Variants in IRAK2 observed in about 807,000 individuals in gnomAD.
IRAK2 encodes interleukin-1 receptor-associated kinase-like 2.
A neutral mutation model predicts 72.0 loss-of-function variants in IRAK2; 57 were observed. The observed-to-expected ratio is 0.79, with a 90% CI of 0.64 to 0.99. The LOEUF (loss-of-function observed/expected upper bound fraction) is 0.99, where lower values mean the gene tolerates loss of function less well. Among genes scored for constraint, IRAK2 ranks in the 50% least tolerant of loss-of-function variants. The probability of loss-of-function intolerance (pLI) is 0.00; values close to 1 mark genes in which losing one functional copy is unlikely to be tolerated. For missense variants in IRAK2, 790 were observed against 794.4 expected (o/e 0.99, Z 0.07); for synonymous variants, 293 against 312.7 (o/e 0.94, Z 0.67).
chr3:10,194,225 A>G (rs1048565994), intron 2 of IRAK2, among the ~76,000 whole-genome samples: 2 of 151,170 alleles, frequency 1.3e-5, no homozygotes, highest in Non-Finnish European at 2.9e-5. Context: ...GGAATCGCAG[A>G]GCTTGGGTCT....
In IRAK2 at chr3:10,184,850, C is replaced by T. The variant is rs911321623; in HGVS notation, c.277+6830C>T. Among the ~76,000 whole-genome samples, 34 of 150,628 alleles carry T rather than the reference C, an allele frequency of 2.3e-4. 1 individual carries two copies. The highest frequency in any genetic ancestry group is 7.7e-4 in the African/African-American group (31 of 40,374). On this transcript the variant is annotated intron_variant, in intron 2 of 12. Transcript: ENST00000256458. Reference sequence around the variant, plus strand: ...GTTCACGCCATTCTCTTGCCTCAGCCTCCCGAGTAGCTGGGACTACAGGCG... The same window carrying T: ...GTTCACGCCATTCTCTTGCCTCAGCTTCCCGAGTAGCTGGGACTACAGGCG...
chr3:10,233,378 G>T (rs1402869261), intron 10 of IRAK2, among the ~76,000 whole-genome samples: 2 of 151,914 alleles, frequency 1.3e-5, no homozygotes, highest in Non-Finnish European at 2.9e-5. Flanking sequence ...ACAATATTTA[G>T]TATGTTTGTA....
chr3:10,164,925 C>A lies in IRAK2; in HGVS notation c.-30C>A, dbSNP rs778659393. The A allele has an allele frequency of 3.2e-5, 50 of 1,548,558 alleles. No individual in the cohort carries two copies. The highest frequency in any genetic ancestry group is 4.3e-5 in the Non-Finnish European group (49 of 1,137,966). ...AGCCCGCAGTGTCCGACCCAGTCGT[C>A]CCGCGCCGGAGCCGGCCCCGTAGCG... On this transcript the variant is annotated 5_prime_UTR_variant, in exon 1 of 13. Transcript: ENST00000256458.
chr3:10,224,458 G>A (rs1358339118), intron 9 of IRAK2, among the ~76,000 whole-genome samples: 2 of 151,652 alleles, frequency 1.3e-5, no homozygotes, highest in Non-Finnish European at 2.9e-5. Context: ...TAAGCCTTCT[G>A]TAAGATGGGG....
chr3:10,205,195 C>T (rs1444608105), intron 3 of IRAK2, among the ~76,000 whole-genome samples: 1 of 152,126 alleles, frequency 6.6e-6, no homozygotes, highest in African/African-American at 2.4e-5. Flanking sequence ...TCTCTCTGCC[C>T]TTGGACATAC....
chr3:10,170,124 T>C (rs1332172709), intron 1 of IRAK2, among the ~76,000 whole-genome samples: 1 of 152,204 alleles, frequency 6.6e-6, no homozygotes, highest in Non-Finnish European at 1.5e-5. Context: ...TCTCCTGGCC[T>C]TGACTGGCTT....
intron 8 of IRAK2, among the ~76,000 whole-genome samples, chr3:10,221,454 T>A (rs887687543): frequency 1.3e-5 from 2 of 150,988 alleles, no homozygotes; most frequent in Non-Finnish European, 2.9e-5. Flanking sequence ...AGGGTTTCAC[T>A]GTGTTAGCCA....
At chr3:10,172,605 C>T (rs1359816586) in intron 1 of IRAK2, among the ~76,000 whole-genome samples, 5 of 143,920 alleles carry the variant, frequency 3.5e-5, no homozygotes, top group South Asian at 2.3e-4. Context: ...TTTGGGAGGC[C>T]GAGGTGGGTG....
chr3:10,199,320 G>A (rs545675962), intron 2 of IRAK2, among the ~76,000 whole-genome samples: 20 of 152,280 alleles, frequency 1.3e-4, no homozygotes, highest in Admixed American at 3.3e-4. Context: ...GAGAAGGCAG[G>A]GGAGTTCTTC....
intron 2 of IRAK2, among the ~76,000 whole-genome samples, chr3:10,195,210 A>T (rs1436092580): frequency 6.6e-6 from 1 of 152,246 alleles, no homozygotes; most frequent in Non-Finnish European, 1.5e-5. Flanking sequence ...TGTTCCTGCC[A>T]AATGTGTTTT....
chr3:10,240,180 GGCGCAGTGGCTCACGC>G (rs1698029808), intron 12 of IRAK2, among the ~76,000 whole-genome samples: 1 of 151,340 alleles, frequency 6.6e-6, no homozygotes, highest in Non-Finnish European at 1.5e-5. Context: ...TTTCTGGCTG[GGCGCAGTGGCTCACGC>G]CTGTAATCCC....
At chr3:10,192,054 G>C (rs902330144) in intron 2 of IRAK2, among the ~76,000 whole-genome samples, 2 of 151,374 alleles carry the variant, frequency 1.3e-5, no homozygotes, top group Non-Finnish European at 3.0e-5. Flanking sequence ...GTGTGTGTGT[G>C]TGTGTGTTGT....
At chr3:10,192,811 C>T (rs1393924370) in intron 2 of IRAK2, among the ~76,000 whole-genome samples, 1 of 152,098 alleles carries the variant, frequency 6.6e-6, no homozygotes, top group African/African-American at 2.4e-5. Flanking sequence ...CCCAGCTACT[C>T]GGGAGGGTGA....
chr3:10,225,529 T>G (rs1259433351), intron 9 of IRAK2, among the ~76,000 whole-genome samples: 1 of 152,200 alleles, frequency 6.6e-6, no homozygotes, highest in African/African-American at 2.4e-5. Context: ...TTGTGCTCCT[T>G]CTGCGAGTGG....
Position 10,234,668 on chromosome 3 carries a change from C to T in IRAK2, c.1473+9C>T, listed in dbSNP as rs769330697. ...ACACCAGCCTGCAGGAGGTGAGCCT[C>T]GCCCGCAGCGGCCTCGCTGCCTGGG... is the stretch of plus-strand genomic sequence containing the variant. On this transcript the variant is annotated intron_variant, in intron 11 of 12. Coordinates refer to ENST00000256458, the MANE Select transcript of IRAK2 (RefSeq NM_001570.4). 4 of 1,609,374 alleles carry T rather than the reference C, an allele frequency of 2.5e-6. No homozygotes were observed. The Middle Eastern group carries it at 5.2e-4, about 208-fold the overall frequency.
intron 2 of IRAK2, among the ~76,000 whole-genome samples, chr3:10,191,650 A>G (rs998930660): frequency 6.6e-6 from 1 of 151,936 alleles, no homozygotes; most frequent in East Asian, 1.9e-4. Flanking sequence ...GCTTCCCTAC[A>G]TTCTTCCATG....
intron 2 of IRAK2, among the ~76,000 whole-genome samples, chr3:10,199,080 C>T (rs571143640): frequency 6.6e-6 from 1 of 151,976 alleles, no homozygotes; most frequent in Admixed American, 6.6e-5. Flanking sequence ...AGGGAAGTGA[C>T]GAGGCCAGAT....
intron 7 of IRAK2, among the ~76,000 whole-genome samples, chr3:10,218,159 C>T (rs891042183): frequency 2.6e-5 from 4 of 152,180 alleles, no homozygotes; most frequent in Non-Finnish European, 5.9e-5. Flanking sequence ...CACAGTGGCT[C>T]ACGCCTGTAA....
chr3:10,239,714 A>G (rs1157467892), intron 12 of IRAK2, among the ~76,000 whole-genome samples: 1 of 151,980 alleles, frequency 6.6e-6, no homozygotes, highest in East Asian at 1.9e-4. Flanking sequence ...GCGACAGAAC[A>G]AGAGTCCGTC....
Sources: allele counts gnomAD v4.1 joint callset (sites outside exome capture counted in the v4.1 genomes callset), GRCh38; gene constraint gnomAD v4.1.1; transcripts MANE v1.5; gene names NCBI Gene and HGNC (gene_info 2026-07-23, HGNC 2026-07-21).